The following MARCHF8 variants were observed in gnomAD, a reference collection of about 807,000 sequenced individuals.
MARCHF8 encodes E3 ubiquitin-protein ligase MARCHF8.
MARCHF8 carries 40 observed loss-of-function variants against 51.6 expected under a neutral mutation model. The observed-to-expected ratio is 0.77, with a 90% CI of 0.60 to 1.01. The LOEUF is 1.01. MARCHF8 is among the 50% of genes least tolerant of loss of function. MARCHF8 has a pLI of 0.00. For synonymous variants in MARCHF8, 263 were observed against 280.3 expected, an observed-to-expected ratio of 0.94 and a Z score of 0.62; for missense variants, 685 against 708.6, an observed-to-expected ratio of 0.97 and a Z score of 0.38.
In MARCHF8 at chr10:45,458,384, G is replaced by A. The variant is rs758474172; in HGVS notation, c.1577C>T (p.Thr526Ile). Residue 526 changes from threonine (T) to isoleucine (I), a missense_variant, in exon 8 of 8, where the codon ACA (threonine) becomes ATA (isoleucine). Coordinates refer to ENST00000453424, the MANE Select transcript of MARCHF8 (RefSeq NM_001282866.2). ...RVIYVQNCPE[T>I]SKKNIFEKSP... The stretch of plus-strand genomic sequence containing the variant: ...TTTTTCAAAAATATTCTTTTTGCTT[G>A]TTTCTGGACAGTTTTGAACATAGAT... 1.2e-6 allele frequency: 2 copies of A among 1,613,948 alleles called. No individual in the cohort carries two copies. Among genetic ancestry groups the A allele is most frequent in the Non-Finnish European group, 1.7e-6 (2 of 1,180,024 alleles).
chr10:45,536,464 G>C (rs1383688766), upstream of MARCHF8, among the ~76,000 whole-genome samples: 1 of 151,846 alleles, frequency 6.6e-6, no homozygotes, highest in Non-Finnish European at 1.5e-5. Context: ...GGAAAACACA[G>C]CCAGTCATAA....
At chr10:45,478,400 A>AG (rs781289238) in intron 3 of MARCHF8, among the ~76,000 whole-genome samples, 30 of 152,334 alleles carry the variant, frequency 2.0e-4, no homozygotes, top group Non-Finnish European at 3.4e-4. Flanking sequence ...TAGTGCTAAC[A>AG]GGGAAGTCCA....
chr10:45,558,618 C>T (rs1300112425), intron 1 of MARCHF8, among the ~76,000 whole-genome samples: 2 of 152,196 alleles, frequency 1.3e-5, no homozygotes, highest in African/African-American at 2.4e-5. Flanking sequence ...ACGATCTTTG[C>T]ACTGACAACA....
chr10:45,527,622 A>T (rs1260017515), intron 2 of MARCHF8, among the ~76,000 whole-genome samples: 1 of 152,090 alleles, frequency 6.6e-6, no homozygotes, highest in Admixed American at 6.5e-5. Flanking sequence ...AAAATAAAAA[A>T]AAATCTCCCA....
At chr10:45,532,892 A>G (rs562576446) in intron 2 of MARCHF8, among the ~76,000 whole-genome samples, 5 of 152,326 alleles carry the variant, frequency 3.3e-5, no homozygotes, top group South Asian at 2.1e-4. Flanking sequence ...ACCAATGAAG[A>G]TAAGTCATTT....
chr10:45,512,020 C>A (rs548908947), intron 2 of MARCHF8, among the ~76,000 whole-genome samples: 146 of 151,184 alleles, frequency 9.7e-4, no homozygotes, highest in African/African-American at 3.3e-3. Flanking sequence ...TCTTCCCGGC[C>A]GTCATCCCAT....
chr10:45,580,088 A>G (rs959139445), intron 1 of MARCHF8, among the ~76,000 whole-genome samples: 2 of 152,028 alleles, frequency 1.3e-5, no homozygotes, highest in African/African-American at 4.8e-5. Context: ...ACTGTGGACT[A>G]AAATTTATGC....
intron 1 of MARCHF8, among the ~76,000 whole-genome samples, chr10:45,546,940 T>C (rs977547328): frequency 2.0e-5 from 3 of 152,156 alleles, no homozygotes; most frequent in South Asian, 4.1e-4. Context: ...ATTTAGAGCA[T>C]TGCCAGTTGC....
chr10:45,549,331 A>AT (rs2044167828), intron 1 of MARCHF8, among the ~76,000 whole-genome samples: 2 of 152,180 alleles, frequency 1.3e-5, no homozygotes, highest in Admixed American at 1.3e-4. Flanking sequence ...AACAGCCATG[A>AT]TTTCCTATTT....
chr10:45,550,946 T>C (rs1349993901), intron 1 of MARCHF8, among the ~76,000 whole-genome samples: 1 of 152,230 alleles, frequency 6.6e-6, no homozygotes, highest in South Asian at 2.1e-4. Context: ...GGCCACAATA[T>C]GCAGATATTT....
intron 1 of MARCHF8, among the ~76,000 whole-genome samples, chr10:45,591,188 C>A: frequency 6.6e-6 from 1 of 152,214 alleles, no homozygotes; most frequent in Non-Finnish European, 1.5e-5. Flanking sequence ...AGTCTGCCTG[C>A]ACCCAGGTGA....
intron 2 of MARCHF8, among the ~76,000 whole-genome samples, chr10:45,503,685 C>A (rs575208175): frequency 6.6e-6 from 1 of 151,964 alleles, no homozygotes; most frequent in South Asian, 2.1e-4. Flanking sequence ...ACCAAGCAAA[C>A]ACAAATAAAA....
chr10:45,548,733 T>C (rs1265744754), intron 1 of MARCHF8, among the ~76,000 whole-genome samples: 1 of 152,156 alleles, frequency 6.6e-6, no homozygotes, highest in Non-Finnish European at 1.5e-5. Context: ...CCAGGCACGG[T>C]GGCTCATGCC....
intron 2 of MARCHF8, among the ~76,000 whole-genome samples, chr10:45,523,194 A>G (rs1344311846): frequency 6.6e-6 from 1 of 152,230 alleles, no homozygotes; most frequent in Admixed American, 6.5e-5. Context: ...ACAGGACACT[A>G]GGACTGTAGT....
At chr10:45,514,438 C>T (rs1466276278) in intron 2 of MARCHF8, among the ~76,000 whole-genome samples, 3 of 152,260 alleles carry the variant, frequency 2.0e-5, no homozygotes, top group Admixed American at 2.0e-4. Context: ...GCTGCCTGCA[C>T]AGCAGCTGCC....
chr10:45,516,942 C>CTAT (rs2043629366), intron 2 of MARCHF8, among the ~76,000 whole-genome samples: 1 of 152,348 alleles, frequency 6.6e-6, no homozygotes, highest in East Asian at 1.9e-4. Context: ...GCAGCTAAAT[C>CTAT]TATTCACTCT....
intron 1 of MARCHF8, among the ~76,000 whole-genome samples, chr10:45,550,413 A>G (rs2044181822): frequency 2.0e-5 from 3 of 152,234 alleles, no homozygotes; most frequent in African/African-American, 7.2e-5. Context: ...GTAACAGAAA[A>G]ATCGAAGGCA....
intron 2 of MARCHF8, among the ~76,000 whole-genome samples, chr10:45,514,813 A>T (rs2043592384): frequency 1.3e-5 from 2 of 152,192 alleles, no homozygotes; most frequent in Admixed American, 1.3e-4. Flanking sequence ...AATGTAGAAA[A>T]GCTAAATGAT....
At chr10:45,549,679 T>A (rs1423613399) in intron 1 of MARCHF8, among the ~76,000 whole-genome samples, 1 of 152,250 alleles carries the variant, frequency 6.6e-6, no homozygotes, top group East Asian at 1.9e-4. Flanking sequence ...TTGTAAGACG[T>A]GATCAAGCCA....
Sources: allele counts gnomAD v4.1 joint callset (sites outside exome capture counted in the v4.1 genomes callset), GRCh38; gene constraint gnomAD v4.1.1; transcripts MANE v1.5; gene names NCBI Gene and HGNC (gene_info 2026-07-23, HGNC 2026-07-21).